Variants in DCLK1 observed in about 807,000 individuals in gnomAD.
The protein encoded by DCLK1 is serine/threonine-protein kinase DCLK1.
Under a neutral mutation model 86.2 loss-of-function variants are expected in DCLK1, and 16 were observed. That is an observed-to-expected ratio of 0.19 (90% CI 0.13 to 0.28). DCLK1 has a LOEUF of 0.28. Among genes scored for constraint, DCLK1 ranks in the 10% least tolerant of loss-of-function variants. DCLK1 has a pLI of 1.00. For missense variants in DCLK1, 590 were observed against 940.2 expected (o/e 0.63, Z 4.87); for synonymous variants, 369 against 370.5 (o/e 1.00, Z 0.05).
intron 3 of DCLK1, among the ~76,000 whole-genome samples, chr13:36,051,783 A>T (rs1225043276): frequency 6.6e-6 from 1 of 152,156 alleles, no homozygotes; most frequent in African/African-American, 2.4e-5. Context: ...CTTTCTTTGG[A>T]CTAAAAGTAC....
intron 3 of DCLK1, among the ~76,000 whole-genome samples, chr13:35,984,278 C>A (rs1046639742): frequency 6.6e-6 from 1 of 152,222 alleles, no homozygotes; most frequent in African/African-American, 2.4e-5. Flanking sequence ...TCTGGGCATC[C>A]TTTCAAGGTC....
intron 6 of DCLK1, among the ~76,000 whole-genome samples, chr13:35,841,637 C>T (rs924622076): frequency 6.6e-6 from 1 of 152,102 alleles, no homozygotes; most frequent in African/African-American, 2.4e-5. Context: ...CAAGTCATTT[C>T]AAATTTTCTG....
intron 11 of DCLK1, among the ~76,000 whole-genome samples, chr13:35,814,211 G>C (rs7995297): frequency 0.61 from 93,165 of 151,968 alleles, 30,688 homozygotes; most frequent in African/African-American, 0.86. Flanking sequence ...ATAATTAAAC[G>C]TTTGTTAAAA....
At chr13:35,997,171 C>A (rs1880512714) in intron 3 of DCLK1, among the ~76,000 whole-genome samples, 1 of 152,192 alleles carries the variant, frequency 6.6e-6, no homozygotes, top group Non-Finnish European at 1.5e-5. Context: ...TACACAAATG[C>A]AAAGCCAAGG....
chr13:35,820,563 A>G (rs899466836), intron 11 of DCLK1, among the ~76,000 whole-genome samples: 1 of 152,222 alleles, frequency 6.6e-6, no homozygotes, highest in Non-Finnish European at 1.5e-5. Context: ...TAAGTGAACA[A>G]TGGGTACACA....
rs769208478 is a variant in DCLK1 at position 35,773,385 on chromosome 13, C to A, written c.*1150G>T. ...TCTTCCTAGGAGACTATATAGGTAA[C>A]CTAAAGGTGCACATGGAATTGTCTT... On this transcript the variant is annotated 3_prime_UTR_variant, in exon 17 of 17. Transcript: ENST00000360631. 1 of 151,916 alleles carries A rather than the reference C, an allele frequency of 6.6e-6. No homozygotes were observed. Among genetic ancestry groups the A allele is most frequent in the Non-Finnish European group, 1.5e-5 (1 of 67,944 alleles). 9.4% of individuals were successfully genotyped at this position (151,916 alleles called of 1,614,324 possible).
At chr13:35,823,829 G>C (rs1361509048) in intron 10 of DCLK1, among the ~76,000 whole-genome samples, 1 of 152,196 alleles carries the variant, frequency 6.6e-6, no homozygotes, top group Non-Finnish European at 1.5e-5. Context: ...GCCCCTGTAG[G>C]CTGATGATTT....
rs1175444543 is a variant in DCLK1, at chr13:35,770,155, A to G, written c.*4380T>C. On this transcript the variant is annotated 3_prime_UTR_variant, in exon 17 of 17. Coordinates refer to ENST00000360631, the MANE Select transcript of DCLK1 (RefSeq NM_001330071.2). ...AAAAGCACCTCCTCCTCTAGTGTGTAATTACATACAAACTAAAGATTCCTT... is the reference window on the plus strand; with the variant it reads ...AAAAGCACCTCCTCCTCTAGTGTGTGATTACATACAAACTAAAGATTCCTT... 1 of 152,208 alleles carries G rather than the reference A, an allele frequency of 6.6e-6. No homozygotes were observed. The highest frequency in any genetic ancestry group is 2.4e-5 in the African/African-American group (1 of 41,456). 9.4% of individuals were successfully genotyped at this position (152,208 alleles called of 1,614,324 possible).
chr13:35,791,022 C>T (rs2086699431), intron 16 of DCLK1, among the ~76,000 whole-genome samples: 2 of 152,136 alleles, frequency 1.3e-5, no homozygotes, highest in South Asian at 4.1e-4. Flanking sequence ...TGACCTCAGC[C>T]AGGTTCTTCT....
intron 2 of DCLK1, 120 bp downstream of exon 2, chr13:36,125,642 A>G (rs1056802426): frequency 4.8e-5 from 66 of 1,386,900 alleles, no homozygotes; most frequent in Non-Finnish European, 6.1e-5. Context: ...TGAAACTATA[A>G]GGATCACAGC....
At chr13:36,081,553 C>T (rs993081143) in intron 3 of DCLK1, among the ~76,000 whole-genome samples, 3 of 152,066 alleles carry the variant, frequency 2.0e-5, no homozygotes, top group Non-Finnish European at 4.4e-5. Context: ...CCTAAGGTGG[C>T]CTTAAAAAGC....
At chr13:36,129,451 C>T (rs1439327280) in intron 1 of DCLK1, among the ~76,000 whole-genome samples, 1 of 152,164 alleles carries the variant, frequency 6.6e-6, no homozygotes, top group South Asian at 2.1e-4. Flanking sequence ...GCAATGGTGT[C>T]GACAAAAGAA....
chr13:35,866,835 T>G (rs1871828273), intron 5 of DCLK1, among the ~76,000 whole-genome samples: 1 of 152,188 alleles, frequency 6.6e-6, no homozygotes, highest in African/African-American at 2.4e-5. Context: ...AAACAGGCTA[T>G]TTTAAGAAAA....
At chr13:36,061,460 TGA>T (rs1883545859) in intron 3 of DCLK1, among the ~76,000 whole-genome samples, 1 of 152,210 alleles carries the variant, frequency 6.6e-6, no homozygotes, top group Non-Finnish European at 1.5e-5. Context: ...TTCTGATGGC[TGA>T]GAGGGCAATA....
At chr13:36,127,375 C>G (rs1886223888) in intron 1 of DCLK1, among the ~76,000 whole-genome samples, 1 of 152,156 alleles carries the variant, frequency 6.6e-6, no homozygotes, top group African/African-American at 2.4e-5. Flanking sequence ...TTTCTTGGTT[C>G]TTCCTTTCAT....
chr13:36,107,003 AATC>A lies in DCLK1; in HGVS notation c.723+4863_723+4865del, dbSNP rs558892409. Among the ~76,000 whole-genome samples, 28 of 152,326 alleles carry A rather than the reference AATC, an allele frequency of 1.8e-4. 1 individual carries two copies. In the South Asian group the frequency reaches 3.1e-3, roughly 17 times the overall value. Reference sequence around the variant, plus strand: ...GATATCTGATTAATAGATTCCTATTAATCATCATTACCATTTCCTGTAATCAAG... The same window carrying A: ...GATATCTGATTAATAGATTCCTATTAATCATTACCATTTCCTGTAATCAAG... On this transcript the variant is annotated intron_variant, in intron 3 of 16. Coordinates refer to ENST00000360631, the MANE Select transcript of DCLK1 (RefSeq NM_001330071.2).
rs2086383800 is a variant in DCLK1 at position 35,774,338 on chromosome 13, A to G, written c.*197T>C. Reference sequence around the variant, plus strand: ...TTGAGGACTCTATTAGCAGCAAATTACCATCTTCACAATCACCACGTGTCA... The same window carrying G: ...TTGAGGACTCTATTAGCAGCAAATTGCCATCTTCACAATCACCACGTGTCA... On this transcript the variant is annotated 3_prime_UTR_variant, in exon 17 of 17. Coordinates refer to ENST00000360631, the MANE Select transcript of DCLK1 (RefSeq NM_001330071.2). 2 of 727,756 alleles carry G rather than the reference A, an allele frequency of 2.7e-6. No homozygotes were observed. The highest frequency in any genetic ancestry group is 2.8e-5 in the East Asian group (1 of 35,530). The allele number at this position is 727,756 out of a possible 1,614,324, so 45.1% of individuals were successfully genotyped here. A position where few individuals can be genotyped will look rare whatever the true frequency, so the allele number is the denominator to read the frequency against.
At chr13:35,879,083 C>G (rs1450726721) in intron 4 of DCLK1, among the ~76,000 whole-genome samples, 3 of 151,846 alleles carry the variant, frequency 2.0e-5, no homozygotes, top group Non-Finnish European at 2.9e-5. Context: ...CCACACCGGG[C>G]CAAAAATTAA....
At chr13:36,019,062 C>T (rs1403292887) in intron 3 of DCLK1, among the ~76,000 whole-genome samples, 1 of 152,090 alleles carries the variant, frequency 6.6e-6, no homozygotes, top group East Asian at 1.9e-4. Context: ...CAAATTTATT[C>T]TTATTTTGCT....
Sources: allele counts gnomAD v4.1 joint callset (sites outside exome capture counted in the v4.1 genomes callset), GRCh38; gene constraint gnomAD v4.1.1; transcripts MANE v1.5; gene names NCBI Gene and HGNC (gene_info 2026-07-23, HGNC 2026-07-21).